Variants in MTHFD2L observed in about 807,000 individuals in gnomAD.
MTHFD2L encodes methylenetetrahydrofolate dehydrogenase (NADP+ dependent) 2 like, also known as bifunctional methylenetetrahydrofolate dehydrogenase/cyclohydrolase 2, mitochondrial.
MTHFD2L carries 29 observed loss-of-function variants against 34.9 expected under a neutral mutation model. The observed-to-expected ratio is 0.83, with a 90% CI of 0.62 to 1.13. The LOEUF is 1.13. Ranked by LOEUF, MTHFD2L falls within the 50% of genes most tolerant of loss-of-function variation. The pLI is 0.00. For synonymous variants in MTHFD2L, 167 were observed against 155.7 expected (o/e 1.07, Z -0.54); for missense variants, 481 against 446.5 (o/e 1.08, Z -0.70).
chr4:74,167,138 C>T (rs1162899181), intron 1 of MTHFD2L, among the ~76,000 whole-genome samples: 2 of 152,236 alleles, frequency 1.3e-5, no homozygotes, highest in African/African-American at 2.4e-5. Flanking sequence ...TGGACCCATG[C>T]ACCGGATTAG....
intron 6 of MTHFD2L, among the ~76,000 whole-genome samples, chr4:74,252,749 T>C (rs890478088): frequency 3.3e-5 from 5 of 152,078 alleles, no homozygotes; most frequent in African/African-American, 4.8e-5. Context: ...GCTTGTGATA[T>C]GGAACATAAG....
intron 2 of MTHFD2L, among the ~76,000 whole-genome samples, chr4:74,116,529 C>G (rs1296201122): frequency 6.6e-6 from 1 of 152,166 alleles, no homozygotes; most frequent in Non-Finnish European, 1.5e-5. Flanking sequence ...GAGCACATTC[C>G]TAGGCCCTCC....
chr4:74,141,472 T>C (rs1247667341), intron 1 of MTHFD2L, among the ~76,000 whole-genome samples: 4 of 152,362 alleles, frequency 2.6e-5, no homozygotes, highest in African/African-American at 7.2e-5. Context: ...GTCTCCTCCT[T>C]GCCATTCACA....
intron 1 of MTHFD2L, among the ~76,000 whole-genome samples, chr4:74,169,248 G>A (rs890012394): frequency 2.0e-5 from 3 of 152,114 alleles, no homozygotes; most frequent in Non-Finnish European, 2.9e-5. Context: ...GAGTATGCAC[G>A]GTACAGTTAA....
chr4:74,170,984 G>C (rs1405343651), intron 1 of MTHFD2L, among the ~76,000 whole-genome samples: 1 of 124,314 alleles, frequency 8.0e-6, no homozygotes, highest in Non-Finnish European at 1.7e-5. Flanking sequence ...GTTGTGGGGT[G>C]GGGGGAGGGG....
At chr4:74,180,777 G>A (rs1270276958) in intron 3 of MTHFD2L, 2 of 420,188 alleles carry the variant, frequency 4.8e-6, no homozygotes, top group Admixed American at 4.8e-5. Flanking sequence ...CTAAAGCTAA[G>A]GAGAAATAAA....
At chr4:74,114,697 T>A (rs1309253587) in intron 2 of MTHFD2L, 1 of 152,184 alleles carries the variant, frequency 6.6e-6, no homozygotes, top group African/African-American at 2.4e-5. Context: ...GGTAGATGAC[T>A]ATGAAAGCTC....
intron 1 of MTHFD2L, among the ~76,000 whole-genome samples, chr4:74,126,065 G>A (rs1056735307): frequency 9.9e-5 from 15 of 152,138 alleles, no homozygotes; most frequent in African/African-American, 3.6e-4. Flanking sequence ...GCCCAGGTTG[G>A]AAATATTGGA....
In MTHFD2L at chr4:74,302,869, T is replaced by G. The variant is rs554066725; in HGVS notation, c.*1060T>G. 2 of 152,252 alleles carry G rather than the reference T, an allele frequency of 1.3e-5. No homozygotes were observed. The highest frequency in any genetic ancestry group is 3.9e-4 in the East Asian group (2 of 5,186). The allele number at this position is 152,252 out of a possible 1,614,324, so 9.4% of individuals were successfully genotyped here. Reference sequence around the variant, plus strand: ...GTAGATGCAATGTTTCTAACACAATTTAAATTAGGAAATATATATGAATGT... The same window carrying G: ...GTAGATGCAATGTTTCTAACACAATGTAAATTAGGAAATATATATGAATGT... On this transcript the variant is annotated 3_prime_UTR_variant, in exon 8 of 8. Coordinates refer to ENST00000325278, the MANE Select transcript of MTHFD2L (RefSeq NM_001144978.3).
intron 6 of MTHFD2L, among the ~76,000 whole-genome samples, chr4:74,271,583 A>G (rs1363176099): frequency 6.6e-6 from 1 of 152,164 alleles, no homozygotes; most frequent in Admixed American, 6.6e-5. Context: ...GCCTTGTAGT[A>G]TAGTTTGAAG....
chr4:74,281,230 G>C (rs1747423093), intron 6 of MTHFD2L, among the ~76,000 whole-genome samples, 195 bp from the exon 7 acceptor site: 1 of 152,098 alleles, frequency 6.6e-6, no homozygotes, highest in African/African-American at 2.4e-5. Flanking sequence ...TTCATCCTCA[G>C]AAGTCCTGAT....
chr4:74,179,049 A>G (rs1043416054), intron 3 of MTHFD2L, among the ~76,000 whole-genome samples: 3 of 152,008 alleles, frequency 2.0e-5, no homozygotes, highest in Admixed American at 6.6e-5. Flanking sequence ...AATCCTACAA[A>G]CACCCTTATA....
chr4:74,159,083 G>A (rs1054712988), intron 1 of MTHFD2L, among the ~76,000 whole-genome samples: 1 of 152,198 alleles, frequency 6.6e-6, no homozygotes, highest in African/African-American at 2.4e-5. Context: ...GTATCCGCCA[G>A]TGCCCAGCAC....
At chr4:74,203,497 T>C (rs1560483366) in intron 5 of MTHFD2L, among the ~76,000 whole-genome samples, 1 of 152,206 alleles carries the variant, frequency 6.6e-6, no homozygotes, top group Non-Finnish European at 1.5e-5. Flanking sequence ...CTCACGGTTC[T>C]GCGGGCTGTA....
intron 3 of MTHFD2L, among the ~76,000 whole-genome samples, chr4:74,192,245 T>C (rs529759765): frequency 6.6e-6 from 1 of 152,174 alleles, no homozygotes; most frequent in South Asian, 2.1e-4. Context: ...TATTTTTATC[T>C]GACCGCCTCC....
At chr4:74,175,152 T>A in intron 2 of MTHFD2L, 129 bp from the exon 3 acceptor site, 1 of 985,136 alleles carries the variant, frequency 1.0e-6, no homozygotes, top group Non-Finnish European at 1.5e-6. Context: ...GGAGAAATCC[T>A]TCCTGATGAT....
At chr4:74,157,415 C>G (rs1164388574), upstream of MTHFD2L, 1 of 350,914 alleles carries the variant, frequency 2.8e-6, no homozygotes, top group Non-Finnish European at 5.6e-6. Flanking sequence ...AATGGACAGT[C>G]TAATGTTTTA....
intron 1 of MTHFD2L, among the ~76,000 whole-genome samples, chr4:74,162,459 T>C (rs556462278): frequency 6.6e-6 from 1 of 151,642 alleles, no homozygotes; most frequent in Admixed American, 6.6e-5. Context: ...TTCATAATTC[T>C]AAAGTGAGGG....
rs572313008 is a variant in MTHFD2L at position 74,163,317 on chromosome 4, A to G, written c.143+5036A>G. ...AAAACTGGTTTTCCTTGTAATCTGT[A>G]TTTTATATTGAATGTTTAAAAGGAT... On this transcript the variant is annotated intron_variant, in intron 1 of 7. Transcript: ENST00000325278. 2.6e-5 allele frequency among the ~76,000 whole-genome samples: 4 copies of G among 152,284 alleles called. No homozygotes were observed. In the East Asian group the frequency reaches 5.8e-4, roughly 22 times the overall value.
Sources: allele counts gnomAD v4.1 joint callset (sites outside exome capture counted in the v4.1 genomes callset), GRCh38; gene constraint gnomAD v4.1.1; transcripts MANE v1.5; gene names NCBI Gene and HGNC (gene_info 2026-07-23, HGNC 2026-07-21).